BLM: variants seen among roughly 807,000 people sequenced by gnomAD.
BLM encodes recQ-like DNA helicase BLM.
In BLM, 95 loss-of-function variants were observed where a neutral mutation model predicts 135.3. The ratio of observed to expected loss-of-function variants is 0.70; its 90% CI spans 0.59 to 0.83. BLM has a LOEUF of 0.83. BLM is among the 40% of genes least tolerant of loss of function. The pLI is 0.00. For synonymous variants in BLM, 520 were observed against 589.2 expected, an observed-to-expected ratio of 0.88 and a Z score of 1.70; for missense variants, 1,518 against 1,663.9, an observed-to-expected ratio of 0.91 and a Z score of 1.53.
chr15:90,723,634 C>T (rs1894827889), intron 1 of BLM, among the ~76,000 whole-genome samples: 1 of 152,128 alleles, frequency 6.6e-6, no homozygotes, highest in African/African-American at 2.4e-5. Context: ...GCCTGAGTGA[C>T]AGAGCAAGAC....
In BLM at chr15:90,735,236, A is replaced by AATATATATATATAT. The variant is rs60589046; in HGVS notation, c.-4-12130_-4-12117dup. The stretch of plus-strand genomic sequence containing the variant: ...ACAACATCATAAAAGTGCCTAAGTT[A>AATATATATATATAT]ATATATATATATATATATATATATA... On this transcript the variant is annotated intron_variant, in intron 1 of 21. Coordinates refer to ENST00000355112, the MANE Select transcript of BLM (RefSeq NM_000057.4). Among the ~76,000 whole-genome samples the AATATATATATATAT allele has an allele frequency of 3.7e-3, 395 of 108,096 alleles. 11 individuals are homozygous for AATATATATATATAT. Among genetic ancestry groups the AATATATATATATAT allele is most frequent in the African/African-American group, 8.2e-3 (231 of 28,142 alleles). 70.9% of individuals were successfully genotyped at this position (108,096 alleles called of 152,430 possible).
chr15:90,734,826 C>T (rs1345728968), intron 1 of BLM, among the ~76,000 whole-genome samples: 1 of 151,992 alleles, frequency 6.6e-6, no homozygotes, highest in Non-Finnish European at 1.5e-5. Flanking sequence ...TCACCAACTC[C>T]ACTTGTATTT....
intron 8 of BLM, among the ~76,000 whole-genome samples, chr15:90,764,135 AT>A (rs796848988): frequency 9.4e-5 from 14 of 148,744 alleles, no homozygotes; most frequent in South Asian, 2.1e-4. Context: ...TAATCCATTG[AT>A]TTTTTTTTTC....
intron 12 of BLM, among the ~76,000 whole-genome samples, chr15:90,771,506 CA>C (rs922865039): frequency 1.4e-5 from 2 of 144,878 alleles, no homozygotes; most frequent in African/African-American, 2.5e-5. Flanking sequence ...AAACAAAAAA[CA>C]AAAAAAAAGA....
At chr15:90,731,969 G>C (rs1432988735) in intron 1 of BLM, among the ~76,000 whole-genome samples, 2 of 152,030 alleles carry the variant, frequency 1.3e-5, no homozygotes, top group African/African-American at 4.8e-5. Context: ...CAAAGTGCTG[G>C]GATTACAGGC....
At chr15:90,722,475 T>C (rs560222022) in intron 1 of BLM, among the ~76,000 whole-genome samples, 1 of 152,168 alleles carries the variant, frequency 6.6e-6, no homozygotes, top group South Asian at 2.1e-4. Flanking sequence ...TAATCCCAGC[T>C]ACTTGTGAAG....
In BLM at chr15:90,749,744, A is replaced by C; in HGVS notation, c.476A>C (p.Asp159Ala). The change falls in exon 3 of 22, where the codon GAC (aspartate) becomes GCC (alanine). Residue 159 changes from aspartate (D) to alanine (A), a missense_variant. Physicochemically the swap from Asp to Ala is moderately radical, Grantham distance 126 (BLOSUM62 -2). Around this residue, in one of 5 missense-constraint regions of BLM, gnomAD observed 724 missense variants for 756.9 expected, o/e 0.96. Transcript: ENST00000355112. ...ATCAATGATTGGGATGATATGGATG[A>C]CTTTGATACTTCTGAGACTTCAAAA... ...STINDWDDMD[D>A]FDTSETSKSF... The C allele has an allele frequency of 6.2e-7, 1 of 1,614,144 alleles. No individual in the cohort carries two copies. Among genetic ancestry groups the C allele is most frequent in the Non-Finnish European group, 8.5e-7 (1 of 1,179,972 alleles).
chr15:90,733,418 C>T (rs1200553616), intron 1 of BLM, among the ~76,000 whole-genome samples: 1 of 152,036 alleles, frequency 6.6e-6, no homozygotes, highest in Non-Finnish European at 1.5e-5. Context: ...AACATGAGGT[C>T]CAAATGGTTT....
At chr15:90,797,504 G>A (rs1357587557) in intron 16 of BLM, among the ~76,000 whole-genome samples, 1 of 150,812 alleles carries the variant, frequency 6.6e-6, no homozygotes, top group African/African-American at 2.5e-5. Flanking sequence ...TAGGGCCTCA[G>A]AATCACTTGC....
chr15:90,804,077 C>T, intron 18 of BLM, 90 bp from the exon 19 acceptor site: 1 of 1,253,610 alleles, frequency 8.0e-7, no homozygotes, highest in South Asian at 1.3e-5. Flanking sequence ...GAATTGCCCC[C>T]CAAAAATGCA....
At chr15:90,773,968 A>G (rs1395719413) in intron 12 of BLM, among the ~76,000 whole-genome samples, 1 of 151,322 alleles carries the variant, frequency 6.6e-6, no homozygotes, top group Non-Finnish European at 1.5e-5. Context: ...TTCTGTGGTC[A>G]TCAGTTTTAT....
chr15:90,791,185 A>G lies in BLM; in HGVS notation c.3019+341A>G, dbSNP rs190407750. Among the ~76,000 whole-genome samples the G allele has an allele frequency of 1.6e-4, 24 of 152,268 alleles. No individual in the cohort carries two copies. The East Asian group carries it at 4.6e-3, about 29-fold the overall frequency. ...CTTGCATGTAACACATATTTCAAAC[A>G]TGCAGGAAGATAAAAAGGAGAAAAT... On this transcript the variant is annotated intron_variant, in intron 15 of 21. Coordinates refer to ENST00000355112, the MANE Select transcript of BLM (RefSeq NM_000057.4).
chr15:90,785,702 G>C (rs7179921), intron 14 of BLM, among the ~76,000 whole-genome samples: 48,996 of 151,634 alleles, frequency 0.32, 8,781 homozygotes, highest in African/African-American at 0.49. Context: ...CGCCACCATG[G>C]CCAGCTGATT....
At chr15:90,764,471 C>T (rs1179160183) in intron 8 of BLM, among the ~76,000 whole-genome samples, 1 of 151,836 alleles carries the variant, frequency 6.6e-6, no homozygotes. Flanking sequence ...ACCTTAGCCT[C>T]CCAAGAAGCT....
At chr15:90,724,897 C>A (rs1894868858) in intron 1 of BLM, among the ~76,000 whole-genome samples, 1 of 152,082 alleles carries the variant, frequency 6.6e-6, no homozygotes, top group Non-Finnish European at 1.5e-5. Context: ...CCCCTTTGTC[C>A]TACCCAGAGG....
At chr15:90,761,981 TAA>T (rs1843572214) in intron 7 of BLM, among the ~76,000 whole-genome samples, 1 of 152,200 alleles carries the variant, frequency 6.6e-6, no homozygotes. Flanking sequence ...TTAGCTGAAA[TAA>T]GTTTATAAAG....
chr15:90,788,448 T>A (rs28692593), intron 14 of BLM, among the ~76,000 whole-genome samples: 5,990 of 150,808 alleles, frequency 0.04, 147 homozygotes, highest in Non-Finnish European at 0.053. Context: ...AGTTTATATA[T>A]TTAACCCAAA....
chr15:90,721,420 G>A lies in BLM; in HGVS notation c.-5+3980G>A, dbSNP rs192017724. ...CAGCTCACTGTAACCTCCGTCTCCC[G>A]AGTTCAATCCATTCTCCTGCCTCAG... On this transcript the variant is annotated intron_variant, in intron 1 of 21. Coordinates refer to ENST00000355112, the MANE Select transcript of BLM (RefSeq NM_000057.4). Among the ~76,000 whole-genome samples, 95 of 151,838 alleles carry A rather than the reference G, an allele frequency of 6.3e-4. 1 individual carries two copies. Among genetic ancestry groups the A allele is most frequent in the African/African-American group, 1.5e-3 (64 of 41,430 alleles).
intron 1 of BLM, among the ~76,000 whole-genome samples, chr15:90,728,318 G>T (rs1396431862): frequency 1.3e-5 from 2 of 152,132 alleles, no homozygotes; most frequent in Non-Finnish European, 2.9e-5. Flanking sequence ...TTATAGGCAT[G>T]AGCCACTGTG....
Sources: allele counts gnomAD v4.1 joint callset (sites outside exome capture counted in the v4.1 genomes callset), GRCh38; gene constraint gnomAD v4.1.1; regional missense constraint gnomAD v4.1.1; transcripts MANE v1.5; gene names NCBI Gene and HGNC (gene_info 2026-07-23, HGNC 2026-07-21).